DPT: variants seen among roughly 807,000 people sequenced by gnomAD.
DPT encodes the protein dermatopontin.
DPT carries 21 observed loss-of-function variants against 31.2 expected under a neutral mutation model. The observed-to-expected ratio is 0.67, with a 90% CI of 0.48 to 0.97. The LOEUF is 0.97. Among genes scored for constraint, DPT ranks in the 50% least tolerant of loss-of-function variants. The pLI, the probability that DPT is intolerant of heterozygous loss-of-function variation, is 0.00. For synonymous variants in DPT, 91 were observed against 86.9 expected, an observed-to-expected ratio of 1.05 and a Z score of -0.26; for missense variants, 262 against 258.8, an observed-to-expected ratio of 1.01 and a Z score of -0.08.
chr1:168,719,831 G>T (rs1650062863), intron 1 of DPT, among the ~76,000 whole-genome samples: 1 of 151,618 alleles, frequency 6.6e-6, no homozygotes, highest in Admixed American at 6.6e-5. Flanking sequence ...GAAGGCTGAG[G>T]TTCAATTTCA....
chr1:168,715,358 A>G (rs1021950455), intron 1 of DPT, among the ~76,000 whole-genome samples: 2 of 151,876 alleles, frequency 1.3e-5, no homozygotes, highest in Admixed American at 6.6e-5. Context: ...TGCTGTGATG[A>G]TAACACTATT....
At chr1:168,727,409 C>T (rs1650272137) in intron 1 of DPT, among the ~76,000 whole-genome samples, 1 of 152,156 alleles carries the variant, frequency 6.6e-6, no homozygotes, top group Non-Finnish European at 1.5e-5. Context: ...TAGCTGTTGT[C>T]ATTACTTAAA....
chr1:168,697,630 C>T (rs1229389792), intron 3 of DPT, among the ~76,000 whole-genome samples: 1 of 152,142 alleles, frequency 6.6e-6, no homozygotes, highest in Non-Finnish European at 1.5e-5. Flanking sequence ...GTTTTGAGTG[C>T]CTACATTGCA....
intron 2 of DPT, among the ~76,000 whole-genome samples, chr1:168,711,050 GC>G (rs1423148962): frequency 1.3e-5 from 2 of 148,268 alleles, no homozygotes; most frequent in Non-Finnish European, 3.0e-5. Flanking sequence ...TTGCTCTGTC[GC>G]CCAGGCTGGA....
At chr1:168,717,491 C>A (rs1405327023) in intron 1 of DPT, among the ~76,000 whole-genome samples, 1 of 152,120 alleles carries the variant, frequency 6.6e-6, no homozygotes, top group Admixed American at 6.5e-5. Flanking sequence ...AAAATATTCT[C>A]CCATTCAGTA....
intron 1 of DPT, among the ~76,000 whole-genome samples, chr1:168,718,132 C>T (rs1395497927): frequency 6.6e-6 from 1 of 152,260 alleles, no homozygotes; most frequent in African/African-American, 2.4e-5. Context: ...CTGAGCTGGG[C>T]TGTGGTTTCC....
chr1:168,729,180 C>T lies in DPT; in HGVS notation c.-6G>A, dbSNP rs753002349. 1.9e-6 allele frequency: 3 copies of T among 1,609,624 alleles called. No individual in the cohort carries two copies. Among genetic ancestry groups the T allele is most frequent in the African/African-American group, 2.7e-5 (2 of 74,838 alleles). ...CAGAGAAGACTGAGGTCCATGCTGC[C>T]TGGGATTTTGGCAAACAATGTCACT... On this transcript the variant is annotated 5_prime_UTR_variant, in exon 1 of 4. Coordinates refer to ENST00000367817, the MANE Select transcript of DPT (RefSeq NM_001937.5).
chr1:168,712,278 A>C (rs77100397), intron 2 of DPT, among the ~76,000 whole-genome samples: 3,218 of 152,140 alleles, frequency 0.021, 100 homozygotes, highest in African/African-American at 0.073. Context: ...AGCTGCCCCT[A>C]GGCTGTCCAT....
intron 3 of DPT, among the ~76,000 whole-genome samples, chr1:168,698,930 G>C (rs926777186): frequency 6.6e-6 from 1 of 152,174 alleles, no homozygotes; most frequent in Non-Finnish European, 1.5e-5. Flanking sequence ...TTTGATGACA[G>C]TAGCAAAGTT....
intron 1 of DPT, among the ~76,000 whole-genome samples, chr1:168,721,525 A>G (rs943470030): frequency 5.9e-5 from 9 of 152,172 alleles, no homozygotes; most frequent in Non-Finnish European, 5.9e-5. Context: ...TGGAGCCTAC[A>G]TTAGAAATTG....
chr1:168,721,239 T>C (rs1650108338), intron 1 of DPT, among the ~76,000 whole-genome samples: 1 of 152,246 alleles, frequency 6.6e-6, no homozygotes, highest in South Asian at 2.1e-4. Context: ...ATTTCTCTGC[T>C]AATTCCAAAC....
intron 1 of DPT, among the ~76,000 whole-genome samples, chr1:168,727,757 C>T (rs907954495): frequency 4.6e-5 from 7 of 151,678 alleles, no homozygotes; most frequent in South Asian, 2.1e-4. Context: ...AGGCTGGTCT[C>T]GAACTCTTGA....
At chr1:168,716,714 C>T (rs1304525678) in intron 1 of DPT, among the ~76,000 whole-genome samples, 9 of 152,132 alleles carry the variant, frequency 5.9e-5, no homozygotes, top group Non-Finnish European at 1.0e-4. Flanking sequence ...TCACACTCTA[C>T]CCCCGACTGG....
At chr1:168,714,057 C>T (rs1649925485) in intron 2 of DPT, among the ~76,000 whole-genome samples, 164 bp downstream of exon 2, 1 of 152,206 alleles carries the variant, frequency 6.6e-6, no homozygotes, top group Non-Finnish European at 1.5e-5. Flanking sequence ...AAAGATCCCT[C>T]TTGGCGGGAA....
chr1:168,713,673 A>T (rs1649914636), intron 2 of DPT, among the ~76,000 whole-genome samples: 1 of 152,238 alleles, frequency 6.6e-6, no homozygotes. Flanking sequence ...AAAGAAACAA[A>T]ACATCAGAGG....
rs561658000 is a variant in DPT, at chr1:168,711,266, C to T, written c.431+2955G>A. On this transcript the variant is annotated intron_variant, in intron 2 of 3. Coordinates refer to ENST00000367817, the MANE Select transcript of DPT (RefSeq NM_001937.5). The stretch of plus-strand genomic sequence containing the variant: ...CGATCTCCTGACCTTGTGATCTGCC[C>T]ACTTCGGCCTCCCAAAGTGCTGGGA... Among the ~76,000 whole-genome samples the T allele has an allele frequency of 2.0e-5, 3 of 152,020 alleles. No individual in the cohort carries two copies. In the South Asian group the frequency reaches 6.2e-4, roughly 32 times the overall value.
At chr1:168,699,312 T>C (rs1649534768) in intron 3 of DPT, among the ~76,000 whole-genome samples, 1 of 152,148 alleles carries the variant, frequency 6.6e-6, no homozygotes, top group Admixed American at 6.5e-5. Context: ...TTCTTGAGCC[T>C]TTCATTTTCT....
intron 2 of DPT, among the ~76,000 whole-genome samples, chr1:168,703,646 C>A (rs1036487082): frequency 6.6e-6 from 1 of 152,124 alleles, no homozygotes; most frequent in East Asian, 1.9e-4. Flanking sequence ...GTTATTTTGT[C>A]TTGTTTTTGT....
At chr1:168,726,181 A>C (rs902417397) in intron 1 of DPT, among the ~76,000 whole-genome samples, 5 of 152,168 alleles carry the variant, frequency 3.3e-5, no homozygotes, top group Non-Finnish European at 5.9e-5. Context: ...AGGAAACCAA[A>C]ATTACTAGAC....
Sources: gnomAD v4.1 joint callset for allele counts (sites outside exome capture counted in the v4.1 genomes callset) on GRCh38, gnomAD v4.1.1 for gene constraint, MANE v1.5 for transcripts, NCBI Gene and HGNC (gene_info 2026-07-23, HGNC 2026-07-21) for gene names.